GLYATL1B: variants seen among roughly 807,000 people sequenced by gnomAD.
The protein encoded by GLYATL1B is putative glycine N-acyltransferase-like protein 1B.
In GLYATL1B, 6 loss-of-function variants were observed where a neutral mutation model predicts 5.5. That is an observed-to-expected ratio of 1.09 (90% CI 0.60 to 2.15). The LOEUF is 2.15. Ranked by LOEUF, GLYATL1B falls within the 30% of genes most tolerant of loss-of-function variation. The pLI is 0.00. For missense variants in GLYATL1B, 135 were observed against 94.1 expected, an observed-to-expected ratio of 1.43 and a Z score of -1.80; for synonymous variants, 67 against 34.9, an observed-to-expected ratio of 1.92 and a Z score of -3.24.
chr11:59,088,751 T>TTG (rs1565175168), intron 2 of GLYATL1B, among the ~76,000 whole-genome samples: 1 of 152,184 alleles, frequency 6.6e-6, no homozygotes, highest in Non-Finnish European at 1.5e-5. Context: ...AAAAGTTCCA[T>TTG]GCCACACATA....
At chr11:59,093,063 G>C (rs1174974994) in intron 2 of GLYATL1B, among the ~76,000 whole-genome samples, 1 of 152,172 alleles carries the variant, frequency 6.6e-6, no homozygotes, top group Non-Finnish European at 1.5e-5. Context: ...TGTCCCACAG[G>C]GGGTTATGTG....
intron 2 of GLYATL1B, among the ~76,000 whole-genome samples, chr11:59,090,041 G>A (rs573730749): frequency 7.9e-5 from 12 of 151,840 alleles, no homozygotes; most frequent in Admixed American, 1.3e-4. Flanking sequence ...TTTATCCCCC[G>A]AATGGCTGGC....
chr11:59,094,487 G>T lies in GLYATL1B; in HGVS notation c.610G>T (p.Ala204Ser). ...SLRYIKRCLG[A>S]LPAACMLGPE... ...GCGTTACATCAAGCGCTGCCTAGGA[G>T]CCCTGCCAGCAGCCTGTATGCTGGG... Residue 204 changes from alanine (A) to serine (S), a missense_variant, in exon 5 of 5, where the codon GCC becomes TCC. Transcript: ENST00000527482. 2.6e-6 allele frequency: 2 copies of T among 766,970 alleles called. No homozygotes were observed. Among genetic ancestry groups the T allele is most frequent in the East Asian group, 2.6e-5 (1 of 38,538 alleles). The allele number at this position is 766,970 out of a possible 1,614,324, so 47.5% of individuals were successfully genotyped here. A position where few individuals can be genotyped will look rare whatever the true frequency, so the allele number is the denominator to read the frequency against.
chr11:59,090,606 A>G (rs982516385), intron 2 of GLYATL1B, among the ~76,000 whole-genome samples: 37 of 151,376 alleles, frequency 2.4e-4, no homozygotes, highest in Non-Finnish European at 4.6e-4. Flanking sequence ...CTTTCTATTT[A>G]TATTCTTCAT....
rs111984030 is a variant in GLYATL1B, at chr11:59,094,606, T to C, written c.729T>C (p.Asn243=). 22 of 481,162 alleles carry C rather than the reference T, an allele frequency of 4.6e-5. No individual in the cohort carries two copies. The highest frequency in any genetic ancestry group is 9.8e-5 in the East Asian group (3 of 30,668). 29.8% of individuals were successfully genotyped at this position (481,162 alleles called of 1,614,324 possible). The change falls in exon 5 of 5, where the codon AAT becomes AAC. Residue 243 remains asparagine, a synonymous_variant. Coordinates refer to ENST00000527482, the MANE Select transcript of GLYATL1B (RefSeq NM_001355566.1). ...TGGAAAAATACCGAAGGAGAGGCAATGGGACACGGCTGATCATGCGATGCA... is the reference window on the plus strand; with the variant it reads ...TGGAAAAATACCGAAGGAGAGGCAACGGGACACGGCTGATCATGCGATGCA... ...YSVEKYRRRG[N]GTRLIMRCMK... is the part of the protein sequence containing the mutation.
Position 59,087,052 on chromosome 11 carries a change from T to A in GLYATL1B, c.79-12T>A, listed in dbSNP as rs964405930. On this transcript the variant is annotated splice_polypyrimidine_tract_variant and intron_variant, in intron 1 of 4. Coordinates refer to ENST00000527482, the MANE Select transcript of GLYATL1B (RefSeq NM_001355566.1). ...TCTCAGCCTCTCCTATTCCCTTTCA[T>A]CCCTCCTTCAGGTGTATGGCTCTCT... 2.0e-5 allele frequency: 13 copies of A among 636,088 alleles called. No individual in the cohort carries two copies. The African/African-American group carries it at 2.3e-4, about 11-fold the overall frequency. The allele number at this position is 636,088 out of a possible 1,614,324, so 39.4% of individuals were successfully genotyped here.
chr11:59,090,453 C>T (rs1461631176), intron 2 of GLYATL1B, among the ~76,000 whole-genome samples: 1 of 151,866 alleles, frequency 6.6e-6, no homozygotes, highest in Non-Finnish European at 1.5e-5. Flanking sequence ...CTGTTCTATG[C>T]CATCTGGTAA....
rs1181860074 is a variant in GLYATL1B at position 59,092,161 on chromosome 11, C to CT, written c.187-1358dup. On this transcript the variant is annotated intron_variant, in intron 2 of 4. Transcript: ENST00000527482. ...CATTCTCATGGCTCATACTCTATGC[C>CT]TTTTTTTTTTCTTTTTTCTCTTTCT... Among the ~76,000 whole-genome samples the CT allele has an allele frequency of 5.7e-4, 84 of 148,098 alleles. No homozygotes were observed. In the South Asian group the frequency reaches 5.8e-3, roughly 10 times the overall value.
At chr11:59,088,016 T>A (rs1859226011) in intron 2 of GLYATL1B, among the ~76,000 whole-genome samples, 1 of 152,200 alleles carries the variant, frequency 6.6e-6, no homozygotes, top group African/African-American at 2.4e-5. Flanking sequence ...CTGAGAAATA[T>A]TCAGTCAGGT....
intron 2 of GLYATL1B, 113 bp from the exon 3 acceptor site, chr11:59,093,416 G>A (rs553997855): frequency 2.5e-6 from 1 of 403,102 alleles, no homozygotes; most frequent in East Asian, 3.6e-5. Context: ...TGCAGCCATC[G>A]TGGGCTAGTG....
chr11:59,094,533 C>T lies in GLYATL1B; in HGVS notation c.656C>T (p.Ser219Leu). The T allele has an allele frequency of 2.7e-6, 2 of 739,010 alleles. No homozygotes were observed. Among genetic ancestry groups the T allele is most frequent in the Non-Finnish European group, 4.5e-6 (2 of 446,696 alleles). The allele number at this position is 739,010 out of a possible 1,614,324, so 45.8% of individuals were successfully genotyped here. A position where few individuals can be genotyped will look rare whatever the true frequency, so the allele number is the denominator to read the frequency against. ...CTGGGCCCAGAGGGGGTCCCGGTCT[C>T]ATGGGTAACCATGGACCCTTCTTGT... ...CMLGPEGVPVSWVTMDPSCEI... is the reference protein window; with the variant it reads ...CMLGPEGVPVLWVTMDPSCEI... Residue 219 changes from serine (S) to leucine (L), a missense_variant, in exon 5 of 5, where the codon TCA becomes TTA. By Grantham distance (145) the Ser-to-Leu change is moderately radical (BLOSUM62 -2). Transcript: ENST00000527482.
chr11:59,091,395 C>T (rs494663), intron 2 of GLYATL1B, among the ~76,000 whole-genome samples: 12 of 152,248 alleles, frequency 7.9e-5, no homozygotes, highest in Non-Finnish European at 8.8e-5. Context: ...ATTTGTTACA[C>T]GCAAATATTG....
At chr11:59,087,307 C>T in intron 2 of GLYATL1B, 136 bp downstream of exon 2, 1 of 404,388 alleles carries the variant, frequency 2.5e-6, no homozygotes, top group Non-Finnish European at 4.4e-6. Context: ...CAGTACTGGG[C>T]AGCTTGCGTG....
At position 59,087,681 on chromosome 11, in the gene GLYATL1B, CA is replaced by C. The variant is rs532549117; in HGVS notation, c.186+517del. Among the ~76,000 whole-genome samples the C allele has an allele frequency of 1.7e-4, 26 of 152,104 alleles. No individual in the cohort carries two copies. In the South Asian group the frequency reaches 4.6e-3, roughly 27 times the overall value. Reference sequence around the variant, plus strand: ...GCAACATAATGAGACCTCATCTCTACAAAAAAATAAACAAAATTAGCAGGGC... The same window carrying C: ...GCAACATAATGAGACCTCATCTCTACAAAAAATAAACAAAATTAGCAGGGC... On this transcript the variant is annotated intron_variant, in intron 2 of 4. Transcript: ENST00000527482.
At chr11:59,090,562 TTTTC>T (rs1196007714) in intron 2 of GLYATL1B, among the ~76,000 whole-genome samples, 1 of 151,926 alleles carries the variant, frequency 6.6e-6, no homozygotes, top group Non-Finnish European at 1.5e-5. Flanking sequence ...TTATTTTTCC[TTTTC>T]TATTTCTGAG....
At chr11:59,092,665 G>A (rs1412645970) in intron 2 of GLYATL1B, among the ~76,000 whole-genome samples, 4 of 152,060 alleles carry the variant, frequency 2.6e-5, no homozygotes, top group Non-Finnish European at 4.4e-5. Context: ...GATACTCATC[G>A]TCCCATGAAG....
At chr11:59,091,447 T>C (rs572403272) in intron 2 of GLYATL1B, among the ~76,000 whole-genome samples, 1 of 152,314 alleles carries the variant, frequency 6.6e-6, no homozygotes, top group Non-Finnish European at 1.5e-5. Flanking sequence ...CCCATCACCC[T>C]GGTAGTGAGC....
chr11:59,086,718 C>T (rs142536428), intron 1 of GLYATL1B, among the ~76,000 whole-genome samples: 193 of 152,002 alleles, frequency 1.3e-3, no homozygotes, highest in African/African-American at 4.4e-3. Flanking sequence ...GCTTTCTTTA[C>T]GTTTGGTCTT....
At chr11:59,092,899 A>C (rs1859347140) in intron 2 of GLYATL1B, among the ~76,000 whole-genome samples, 1 of 152,230 alleles carries the variant, frequency 6.6e-6, no homozygotes, top group Non-Finnish European at 1.5e-5. Flanking sequence ...TATCTTGCTC[A>C]AACCCTGGAC....
Sources: gnomAD v4.1 joint callset for allele counts (sites outside exome capture counted in the v4.1 genomes callset) on GRCh38, gnomAD v4.1.1 for gene constraint, MANE v1.5 for transcripts, NCBI Gene and HGNC (gene_info 2026-07-23, HGNC 2026-07-21) for gene names.